ARHGAP28: variants seen among roughly 807,000 people sequenced by gnomAD.
ARHGAP28 encodes rho GTPase-activating protein 28.
In ARHGAP28, 56 loss-of-function variants were observed where a neutral mutation model predicts 90.7. The ratio of observed to expected loss-of-function variants is 0.62; its 90% CI spans 0.50 to 0.77. The LOEUF (loss-of-function observed/expected upper bound fraction) is 0.77. Ranked by LOEUF, ARHGAP28 falls within the 30% of genes least tolerant of loss-of-function variation. ARHGAP28 has a pLI of 0.00. For synonymous variants in ARHGAP28, 308 were observed against 323.3 expected, an observed-to-expected ratio of 0.95 and a Z score of 0.51; for missense variants, 869 against 900.9, an observed-to-expected ratio of 0.96 and a Z score of 0.45.
chr18:6,841,152 CCTCTT>C (rs1347450939), intron 3 of ARHGAP28, among the ~76,000 whole-genome samples: 4 of 112,236 alleles, frequency 3.6e-5, no homozygotes, highest in South Asian at 3.0e-4. Context: ...CTGTCTCTCT[CCTCTT>C]TCTCTCTCTC....
intron 1 of ARHGAP28, among the ~76,000 whole-genome samples, chr18:6,747,073 T>TC (rs1018559387): frequency 2.5e-5 from 1 of 40,708 alleles, no homozygotes; most frequent in African/African-American, 6.4e-5. Flanking sequence ...TTTATTTTCT[T>TC]TTTTTTTTTT....
chr18:6,890,380 G>T lies in ARHGAP28; in HGVS notation c.1735-50G>T, dbSNP rs569046371. The T allele has an allele frequency of 7.3e-6, 9 of 1,232,648 alleles. No individual in the cohort carries two copies. In the South Asian group the frequency reaches 1.1e-4, roughly 15 times the overall value. The allele number at this position is 1,232,648 out of a possible 1,614,324, so 76.4% of individuals were successfully genotyped here. A position where few individuals can be genotyped will look rare whatever the true frequency, so the allele number is the denominator to read the frequency against. On this transcript the variant is annotated intron_variant, in intron 13 of 17. Coordinates refer to ENST00000383472, the MANE Select transcript of ARHGAP28 (RefSeq NM_001366230.1). ...ATGCCTGAAGACAATCTGCTAGGGA[G>T]TTTGAATTCAAGTGTTTTCCATCCA...
rs2057228436 is a variant in ARHGAP28, at chr18:6,887,181, T to C, written c.1478T>C (p.Phe493Ser). The C allele has an allele frequency of 1.9e-6, 3 of 1,614,030 alleles. No individual in the cohort carries two copies. Among genetic ancestry groups the C allele is most frequent in the South Asian group, 2.2e-5 (2 of 91,080 alleles). The change falls in exon 12 of 18, where the codon TTT (phenylalanine) becomes TCT (serine). Residue 493 changes from phenylalanine to serine, a missense_variant. Coordinates refer to ENST00000383472, the MANE Select transcript of ARHGAP28 (RefSeq NM_001366230.1). ...MERGPHVKVQ[F>S]QALHLMVMAL... is the part of the protein sequence containing the mutation. ...GGAGGGCCTCACGTCAAAGTACAGT[T>C]TCAAGCCTTACACCTCATGGTCATG...
intron 1 of ARHGAP28, among the ~76,000 whole-genome samples, chr18:6,799,082 C>A (rs2056463204): frequency 6.6e-6 from 1 of 152,138 alleles, no homozygotes; most frequent in Non-Finnish European, 1.5e-5. Context: ...GGATCAGGGA[C>A]AATATCCTAG....
intron 4 of ARHGAP28, among the ~76,000 whole-genome samples, chr18:6,859,472 C>T (rs1169803838): frequency 1.3e-5 from 2 of 152,120 alleles, no homozygotes; most frequent in Non-Finnish European, 2.9e-5. Flanking sequence ...TACACCTTGT[C>T]GGCCACGTGA....
In ARHGAP28 at chr18:6,814,599, C is replaced by T. The variant is rs1488967779; in HGVS notation, c.123-10163C>T. 2.6e-5 allele frequency among the ~76,000 whole-genome samples: 4 copies of T among 152,140 alleles called. No homozygotes were observed. In the East Asian group the frequency reaches 5.8e-4, roughly 22 times the overall value. On this transcript the variant is annotated intron_variant, in intron 1 of 17. Coordinates refer to ENST00000383472, the MANE Select transcript of ARHGAP28 (RefSeq NM_001366230.1). ...CAAATACATCACAGCATCAGAGAGG[C>T]AGGAGGGAGCTAGAAAGTCAAGGTA...
intron 17 of ARHGAP28, among the ~76,000 whole-genome samples, chr18:6,909,310 T>TTTTC: frequency 3.5e-5 from 3 of 85,498 alleles, no homozygotes; most frequent in African/African-American, 1.4e-4. Context: ...CTTTTTTTTT[T>TTTTC]GAGACAGAAT....
chr18:6,779,910 GA>G (rs2056311536), intron 1 of ARHGAP28, among the ~76,000 whole-genome samples: 2 of 152,212 alleles, frequency 1.3e-5, no homozygotes, highest in Non-Finnish European at 2.9e-5. Context: ...CACTAACTTT[GA>G]ACCTGAGAGT....
intron 16 of ARHGAP28, among the ~76,000 whole-genome samples, chr18:6,905,339 A>T (rs1235619958): frequency 6.6e-6 from 1 of 152,184 alleles, no homozygotes; most frequent in East Asian, 1.9e-4. Flanking sequence ...TACAGAAAAA[A>T]GCCTTTGACA....
chr18:6,841,278 T>TC (rs1424912886), intron 3 of ARHGAP28, among the ~76,000 whole-genome samples: 1 of 132,776 alleles, frequency 7.5e-6, no homozygotes. Flanking sequence ...TTGGTCTCCC[T>TC]CCCTATTCCT....
chr18:6,881,219 C>A (rs1312408744), intron 10 of ARHGAP28, among the ~76,000 whole-genome samples: 1 of 149,668 alleles, frequency 6.7e-6, no homozygotes, highest in Non-Finnish European at 1.5e-5. Context: ...TGCACACTGA[C>A]TCTGGCTGTG....
chr18:6,805,534 G>A (rs1245351558), intron 1 of ARHGAP28, among the ~76,000 whole-genome samples: 1 of 131,014 alleles, frequency 7.6e-6, no homozygotes, highest in African/African-American at 3.0e-5. Flanking sequence ...TGCCCAGGCT[G>A]GAGTGCAATG....
chr18:6,867,141 A>C (rs1171037831), intron 5 of ARHGAP28, among the ~76,000 whole-genome samples: 1 of 152,188 alleles, frequency 6.6e-6, no homozygotes, highest in South Asian at 2.1e-4. Flanking sequence ...ACATCTATTC[A>C]TACACCATTT....
At chr18:6,858,162 G>GTT (rs1430013610) in intron 4 of ARHGAP28, among the ~76,000 whole-genome samples, 2 of 151,726 alleles carry the variant, frequency 1.3e-5, no homozygotes, top group Non-Finnish European at 2.9e-5. Flanking sequence ...TTTTTTTGGT[G>GTT]TTTTTTCCTT....
intron 3 of ARHGAP28, 134 bp from the exon 4 acceptor site, chr18:6,850,900 G>T (rs1224144992): frequency 6.5e-7 from 1 of 1,532,940 alleles, no homozygotes; most frequent in Non-Finnish European, 8.8e-7. Flanking sequence ...TCAATGCCCA[G>T]GTAGTCATTA....
At chr18:6,882,410 A>C in intron 11 of ARHGAP28, 111 bp downstream of exon 11, 1 of 1,056,840 alleles carries the variant, frequency 9.5e-7, no homozygotes, top group South Asian at 1.9e-5. Flanking sequence ...CTGTGTCCTG[A>C]CAGTGCTTGG....
intron 16 of ARHGAP28, chr18:6,898,346 A>G: frequency 1.6e-6 from 1 of 613,320 alleles, no homozygotes; most frequent in Non-Finnish European, 2.7e-6. Context: ...GTGAAAATTC[A>G]TCAAGTTGTA....
At chr18:6,782,336 C>G (rs1050011485) in intron 1 of ARHGAP28, among the ~76,000 whole-genome samples, 2 of 152,030 alleles carry the variant, frequency 1.3e-5, no homozygotes, top group African/African-American at 2.4e-5. Flanking sequence ...TTCCTAACAG[C>G]CTCGATTAGA....
At chr18:6,737,304 G>T (rs2055937329) in intron 1 of ARHGAP28, among the ~76,000 whole-genome samples, 1 of 152,108 alleles carries the variant, frequency 6.6e-6, no homozygotes, top group Non-Finnish European at 1.5e-5. Flanking sequence ...AACTGCATGT[G>T]TTTACTAAAG....
Sources: allele counts gnomAD v4.1 joint callset (sites outside exome capture counted in the v4.1 genomes callset), GRCh38; gene constraint gnomAD v4.1.1; transcripts MANE v1.5; gene names NCBI Gene and HGNC (gene_info 2026-07-23, HGNC 2026-07-21).